ADRA1B: variants seen among roughly 807,000 people sequenced by gnomAD.
The protein encoded by ADRA1B is alpha-1B adrenergic receptor.
In ADRA1B, 17 loss-of-function variants were observed where a neutral mutation model predicts 17.9. The observed-to-expected ratio is 0.95, with a 90% CI of 0.65 to 1.42. The LOEUF is 1.42. ADRA1B is among the 40% of genes most tolerant of loss of function. The pLI is 0.00. For missense variants in ADRA1B, 681 were observed against 722.1 expected (o/e 0.94, Z 0.65); for synonymous variants, 366 against 327.6 (o/e 1.12, Z -1.27).
chr5:159,911,550 A>G (rs143396531), upstream of ADRA1B, among the ~76,000 whole-genome samples: 8 of 152,294 alleles, frequency 5.3e-5, no homozygotes, highest in East Asian at 1.4e-3. Flanking sequence ...AAGGGCTGCC[A>G]CTGAGCTCTC....
At chr5:159,961,044 A>G (rs1344024030) in intron 1 of ADRA1B, among the ~76,000 whole-genome samples, 1 of 152,252 alleles carries the variant, frequency 6.6e-6, no homozygotes, top group South Asian at 2.1e-4. Context: ...GCCACATTTT[A>G]GTTTCAGAAA....
intron 1 of ADRA1B, chr5:159,955,249 T>C (rs1018495479): frequency 3.2e-6 from 3 of 952,292 alleles, no homozygotes; most frequent in South Asian, 4.8e-5. Flanking sequence ...GAGTCCCATA[T>C]GTGGCCTCCT....
chr5:159,968,582 C>A (rs1309599026), intron 1 of ADRA1B, among the ~76,000 whole-genome samples: 2 of 152,200 alleles, frequency 1.3e-5, no homozygotes, highest in Non-Finnish European at 2.9e-5. Context: ...CCTTCGCCTT[C>A]CAAAGTGCTG....
At chr5:159,913,595 C>T (rs1754249884), upstream of ADRA1B, among the ~76,000 whole-genome samples, 1 of 152,224 alleles carries the variant, frequency 6.6e-6, no homozygotes, top group African/African-American at 2.4e-5. Flanking sequence ...CATAAGTTCT[C>T]ATCTAGGTAA....
intron 1 of ADRA1B, among the ~76,000 whole-genome samples, chr5:159,926,970 A>G (rs777003765): frequency 6.6e-6 from 1 of 152,188 alleles, no homozygotes; most frequent in African/African-American, 2.4e-5. Context: ...CTCCTTCCTC[A>G]AAACTACCAC....
chr5:159,905,262 A>G lies in ADRA1B; in HGVS notation c.-255-10857A>G, dbSNP rs549781878. On this transcript the variant is annotated intron_variant, in intron 1 of 2. Transcript: ENST00000641205. ...AACACAAAATTCACTACAGAAATAGAAAAATTGTGATAGACACATAGACAA... is the reference window on the plus strand; with the variant it reads ...AACACAAAATTCACTACAGAAATAGGAAAATTGTGATAGACACATAGACAA... Among the ~76,000 whole-genome samples, 10 of 152,350 alleles carry G rather than the reference A, an allele frequency of 6.6e-5. No individual in the cohort carries two copies. The East Asian group carries it at 1.9e-3, about 29-fold the overall frequency.
intron 1 of ADRA1B, among the ~76,000 whole-genome samples, chr5:159,891,157 C>A (rs1407571510): frequency 6.6e-6 from 1 of 152,188 alleles, no homozygotes. Flanking sequence ...CAAATGTCAA[C>A]TCAAAAGGGC....
intron 1 of ADRA1B, among the ~76,000 whole-genome samples, chr5:159,902,123 ATATATACAC>A (rs201553879): frequency 0.03 from 4,501 of 152,330 alleles, 80 homozygotes; most frequent in Middle Eastern, 0.071. Context: ...AGAAAATGTG[ATATATACAC>A]TATATACACA....
chr5:159,962,669 C>CTTTTTTTTTTT (rs113639158), intron 1 of ADRA1B, among the ~76,000 whole-genome samples: 2 of 124,880 alleles, frequency 1.6e-5, no homozygotes, highest in South Asian at 2.6e-4. Context: ...TGTTTTTCAG[C>CTTTTTTTTTTT]TTTTTTTTTT....
At chr5:159,898,694 G>A (rs534158242) in intron 1 of ADRA1B, among the ~76,000 whole-genome samples, 1 of 152,278 alleles carries the variant, frequency 6.6e-6, no homozygotes, top group Admixed American at 6.5e-5. Flanking sequence ...CGTATTGATT[G>A]TTTTGTTTGG....
At chr5:159,943,937 CACAA>C (rs1755204553) in intron 1 of ADRA1B, among the ~76,000 whole-genome samples, 8 of 148,622 alleles carry the variant, frequency 5.4e-5, no homozygotes, top group African/African-American at 1.5e-4. Flanking sequence ...CACACACACA[CACAA>C]ACACACACAC....
At chr5:159,888,687 G>T (rs1313499917) in intron 1 of ADRA1B, among the ~76,000 whole-genome samples, 1 of 152,174 alleles carries the variant, frequency 6.6e-6, no homozygotes, top group African/African-American at 2.4e-5. Context: ...CTGGAACAAA[G>T]ATGAGACTGT....
chr5:159,939,274 AGAGAGTGTGTGTGTGTGT>A (rs1755042559), intron 1 of ADRA1B, among the ~76,000 whole-genome samples: 1 of 78,450 alleles, frequency 1.3e-5, no homozygotes, highest in African/African-American at 6.4e-5. Flanking sequence ...AGAGAGAGAG[AGAGAGTGTGTGTGTGTGT>A]GTGTGTGTGT....
At chr5:159,957,333 G>A (rs1463873931) in intron 1 of ADRA1B, among the ~76,000 whole-genome samples, 2 of 151,580 alleles carry the variant, frequency 1.3e-5, no homozygotes, top group African/African-American at 4.8e-5. Context: ...GTGAAACTCT[G>A]TCTCTACCAA....
chr5:159,887,611 C>T (rs774662860), intron 1 of ADRA1B, among the ~76,000 whole-genome samples: 4 of 152,156 alleles, frequency 2.6e-5, no homozygotes, highest in Non-Finnish European at 5.9e-5. Context: ...GTTTAGACTA[C>T]CGTTTGAGCA....
intron 1 of ADRA1B, among the ~76,000 whole-genome samples, chr5:159,872,379 T>G (rs902596402): frequency 2.0e-5 from 3 of 152,270 alleles, no homozygotes; most frequent in African/African-American, 7.2e-5. Flanking sequence ...AGCCAGCTGA[T>G]GCAGGAGCCT....
At chr5:159,943,795 T>C (rs1755197423) in intron 1 of ADRA1B, among the ~76,000 whole-genome samples, 1 of 152,006 alleles carries the variant, frequency 6.6e-6, no homozygotes, top group Non-Finnish European at 1.5e-5. Context: ...CGATGAAACA[T>C]TTTCTCATTT....
chr5:159,948,499 A>G, intron 1 of ADRA1B: 2 of 979,774 alleles, frequency 2.0e-6, no homozygotes, highest in Non-Finnish European at 2.4e-6. Context: ...TTTTATTACA[A>G]GAAGTTATAT....
downstream of ADRA1B, among the ~76,000 whole-genome samples, chr5:159,977,285 C>T (rs374348726): frequency 5.3e-5 from 8 of 152,316 alleles, no homozygotes; most frequent in East Asian, 1.2e-3. Context: ...AGTGATGAAT[C>T]TTGCCCCGTG....
Sources: allele counts gnomAD v4.1 joint callset (sites outside exome capture counted in the v4.1 genomes callset), GRCh38; gene constraint gnomAD v4.1.1; transcripts MANE v1.5; gene names NCBI Gene and HGNC (gene_info 2026-07-23, HGNC 2026-07-21).